The following SLC46A3 variants were observed in gnomAD, a reference collection of about 807,000 sequenced individuals.
SLC46A3 encodes lysosomal proton-coupled steroid conjugate and bile acid symporter SLC46A3.
SLC46A3 carries 26 observed loss-of-function variants against 38.5 expected under a neutral mutation model. The ratio of observed to expected loss-of-function variants is 0.68; its 90% CI spans 0.49 to 0.94. The LOEUF (loss-of-function observed/expected upper bound fraction) is 0.94. SLC46A3 is among the 40% of genes least tolerant of loss of function. The pLI is 0.00. For missense variants in SLC46A3, 510 were observed against 544.3 expected (o/e 0.94, Z 0.63); for synonymous variants, 185 against 192.5 (o/e 0.96, Z 0.32).
At chr13:28,714,111 A>G (rs568022416) in intron 2 of SLC46A3, among the ~76,000 whole-genome samples, 40 of 148,770 alleles carry the variant, frequency 2.7e-4, no homozygotes, top group African/African-American at 9.5e-4. Flanking sequence ...CTTGGCCAAC[A>G]TGGTAAAACT....
In SLC46A3 at chr13:28,700,891, A is replaced by G; in HGVS notation, c.*606T>C. 4 of 1,315,572 alleles carry G rather than the reference A, an allele frequency of 3.0e-6. No individual in the cohort carries two copies. Among genetic ancestry groups the G allele is most frequent in the Non-Finnish European group, 4.2e-6 (4 of 943,696 alleles). The allele number at this position is 1,315,572 out of a possible 1,614,324, so 81.5% of individuals were successfully genotyped here. On this transcript the variant is annotated 3_prime_UTR_variant, in exon 6 of 6. Coordinates refer to ENST00000266943, the MANE Select transcript of SLC46A3 (RefSeq NM_181785.4). ...GTATCAACAAAGCACTGATTGTGGA[A>G]TTCATGTATAGTCTTCAGAAGTCAC...
chr13:28,703,650 A>G (rs1407997967), intron 5 of SLC46A3: 1 of 166,810 alleles, frequency 6.0e-6, no homozygotes, highest in African/African-American at 2.4e-5. Context: ...GACTTCAGAC[A>G]TACACCACCA....
chr13:28,709,555 G>A (rs1307236393), intron 4 of SLC46A3, among the ~76,000 whole-genome samples: 1 of 152,162 alleles, frequency 6.6e-6, no homozygotes, highest in East Asian at 1.9e-4. Context: ...AAGCCCATAT[G>A]CCTGATATCT....
In SLC46A3 at chr13:28,701,427, T is replaced by G; in HGVS notation, c.*70A>C. ...GTGAAGCACTGATTGTGGAATTCAT[T>G]TATAGTCTTCAGAAGTCATGGTATA... On this transcript the variant is annotated 3_prime_UTR_variant, in exon 6 of 6. Transcript: ENST00000266943. The G allele has an allele frequency of 6.3e-7, 1 of 1,574,940 alleles. No individual in the cohort carries two copies. The highest frequency in any genetic ancestry group is 1.2e-5 in the South Asian group (1 of 83,356).
chr13:28,700,962 A>G lies in SLC46A3; in HGVS notation c.*535T>C. 1 of 1,531,500 alleles carries G rather than the reference A, an allele frequency of 6.5e-7. No individual in the cohort carries two copies. Among genetic ancestry groups the G allele is most frequent in the East Asian group, 2.5e-5 (1 of 40,678 alleles). The allele number at this position is 1,531,500 out of a possible 1,614,324, so 94.9% of individuals were successfully genotyped here. A position where few individuals can be genotyped will look rare whatever the true frequency, so the allele number is the denominator to read the frequency against. On this transcript the variant is annotated 3_prime_UTR_variant, in exon 6 of 6. Coordinates refer to ENST00000266943, the MANE Select transcript of SLC46A3 (RefSeq NM_181785.4). ...CAATAGCAGCTTAACAGGCTCTATA[A>G]AATAAAGCATTACCAAGTATAGGTA...
intron 2 of SLC46A3, among the ~76,000 whole-genome samples, chr13:28,715,155 G>A (rs1383856404): frequency 6.6e-6 from 1 of 152,134 alleles, no homozygotes; most frequent in Non-Finnish European, 1.5e-5. Flanking sequence ...TGGCAGGTGA[G>A]GGTAGGGGTG....
At chr13:28,710,528 T>C (rs1246144244) in intron 4 of SLC46A3, among the ~76,000 whole-genome samples, 1 of 152,184 alleles carries the variant, frequency 6.6e-6, no homozygotes, top group Non-Finnish European at 1.5e-5. Context: ...CCTTTCTTCT[T>C]AGGGCGGGGC....
At position 28,718,963 on chromosome 13, in the gene SLC46A3, C is replaced by T. The variant is rs1334895113; in HGVS notation, c.-492G>A. On this transcript the variant is annotated 5_prime_UTR_variant, in exon 1 of 6. Transcript: ENST00000266943. ...GACTCGGCCGCAGCCAGCTGAGCAT[C>T]GCTGTCCGCCGAGGAGGCGGGGTCG... 1 of 152,304 alleles carries T rather than the reference C, an allele frequency of 6.6e-6. No individual in the cohort carries two copies. The allele number at this position is 152,304 out of a possible 1,614,324, so 9.4% of individuals were successfully genotyped here.
chr13:28,713,533 C>T lies in SLC46A3; in HGVS notation c.207G>A (p.Val69=), dbSNP rs1279215701. The change falls in exon 3 of 6, where the codon GTG becomes GTA. Residue 69 remains valine (V), a synonymous_variant. Coordinates refer to ENST00000266943, the MANE Select transcript of SLC46A3 (RefSeq NM_181785.4). ...FAFQEEVQKK[V]SRFNLQMDIS... is the part of the protein sequence containing the mutation. ...TGTCCATCTGCAGATTAAAACGTGA[C>T]ACTTTTTTCTGAACTTCCTGCAAAG... The T allele has an allele frequency of 1.2e-6, 2 of 1,601,860 alleles. No homozygotes were observed. The highest frequency in any genetic ancestry group is 1.3e-5 in the African/African-American group (1 of 74,468).
At chr13:28,705,008 A>G (rs1288427860) in intron 4 of SLC46A3, among the ~76,000 whole-genome samples, 1 of 152,224 alleles carries the variant, frequency 6.6e-6, no homozygotes, top group Non-Finnish European at 1.5e-5. Context: ...ATCCAAGACC[A>G]TGTCAACTGA....
chr13:28,701,459 G>A lies in SLC46A3; in HGVS notation c.*38C>T. ...CTTCAGAAGTCATGGTATATGATATGTGCATTCATAGATTTTTTTTGTTTG... is the reference window on the plus strand; with the variant it reads ...CTTCAGAAGTCATGGTATATGATATATGCATTCATAGATTTTTTTTGTTTG... On this transcript the variant is annotated 3_prime_UTR_variant, in exon 6 of 6. Coordinates refer to ENST00000266943, the MANE Select transcript of SLC46A3 (RefSeq NM_181785.4). The A allele has an allele frequency of 6.2e-7, 1 of 1,606,416 alleles. No homozygotes were observed. The highest frequency in any genetic ancestry group is 8.5e-7 in the Non-Finnish European group (1 of 1,177,512).
Position 28,702,254 on chromosome 13 carries a change from G to C in SLC46A3, c.1302-673C>G, listed in dbSNP as rs1885044916. Among the ~76,000 whole-genome samples, 4 of 152,092 alleles carry C rather than the reference G, an allele frequency of 2.6e-5. No individual in the cohort carries two copies. The South Asian group carries it at 8.3e-4, about 32-fold the overall frequency. On this transcript the variant is annotated intron_variant, in intron 5 of 5. Coordinates refer to ENST00000266943, the MANE Select transcript of SLC46A3 (RefSeq NM_181785.4). ...CCTGCCTCAACCTCCCAAAGTGCTG[G>C]GATTATAGGTGTGAGCCACGGTGCC...
At position 28,712,819 on chromosome 13, in the gene SLC46A3, A is replaced by G; in HGVS notation, c.921T>C (p.Ser307=). ...IGYGSALGSA[S]FLTSFLGIWL... The stretch of plus-strand genomic sequence containing the variant: ...ATATTCCTAGGAAACTAGTCAAAAA[A>G]GAGGCACTACCCAAAGCTGATCCAT... Residue 307 remains serine (S), a synonymous_variant, in exon 3 of 6, where the codon TCT becomes TCC. Coordinates refer to ENST00000266943, the MANE Select transcript of SLC46A3 (RefSeq NM_181785.4). The G allele has an allele frequency of 1.9e-6, 3 of 1,613,968 alleles. No individual in the cohort carries two copies. The highest frequency in any genetic ancestry group is 2.5e-6 in the Non-Finnish European group (3 of 1,179,966).
At chr13:28,705,444 T>C (rs1298381769) in intron 4 of SLC46A3, among the ~76,000 whole-genome samples, 1 of 152,246 alleles carries the variant, frequency 6.6e-6, no homozygotes, top group Non-Finnish European at 1.5e-5. Flanking sequence ...CATTTTATTG[T>C]ACATATTCTC....
At chr13:28,704,374 A>C (rs1241373464) in intron 4 of SLC46A3, 1 of 342,592 alleles carries the variant, frequency 2.9e-6, no homozygotes, top group African/African-American at 2.1e-5. Flanking sequence ...GGGCAAAGCT[A>C]AAAAGACAGT....
At chr13:28,706,711 G>A (rs763635769) in intron 4 of SLC46A3, among the ~76,000 whole-genome samples, 1 of 151,944 alleles carries the variant, frequency 6.6e-6, no homozygotes, top group Non-Finnish European at 1.5e-5. Flanking sequence ...TGCACCTGGC[G>A]GAGATGACTT....
chr13:28,701,637 T>A, intron 5 of SLC46A3, 56 bp from the exon 6 acceptor site: 1 of 1,525,974 alleles, frequency 6.6e-7, no homozygotes, highest in Non-Finnish European at 8.9e-7. Flanking sequence ...CATAAATAAG[T>A]AATCTGTTTT....
intron 5 of SLC46A3, 146 bp from the exon 6 acceptor site, chr13:28,701,727 G>A (rs1885026969): frequency 5.6e-6 from 4 of 711,518 alleles, no homozygotes; most frequent in Non-Finnish European, 9.3e-6. Context: ...TTTGAATCCA[G>A]CTGACTCATG....
chr13:28,710,153 A>T (rs1243402876), intron 4 of SLC46A3, among the ~76,000 whole-genome samples: 2 of 152,128 alleles, frequency 1.3e-5, no homozygotes, highest in African/African-American at 4.8e-5. Flanking sequence ...GCCCAGGGTG[A>T]ACTGGCCCTC....
Sources: gnomAD v4.1 joint callset for allele counts (sites outside exome capture counted in the v4.1 genomes callset) on GRCh38, gnomAD v4.1.1 for gene constraint, MANE v1.5 for transcripts, NCBI Gene and HGNC (gene_info 2026-07-23, HGNC 2026-07-21) for gene names.